The following RIT2 variants were observed in gnomAD, a reference collection of about 807,000 sequenced individuals.
RIT2 encodes the protein Ras like without CAAX 2, also known as GTP-binding protein Rit2.
In RIT2, 24 loss-of-function variants were observed where a neutral mutation model predicts 23.7. That is an observed-to-expected ratio of 1.01 (90% CI 0.73 to 1.43). The LOEUF is 1.43. Ranked by LOEUF, RIT2 falls within the 40% of genes most tolerant of loss-of-function variation. The pLI, the probability that RIT2 is intolerant of heterozygous loss-of-function variation, is 0.00. For synonymous variants in RIT2, 107 were observed against 91.1 expected (o/e 1.17, Z -0.99); for missense variants, 236 against 266.9 (o/e 0.88, Z 0.81).
intron 4 of RIT2, among the ~76,000 whole-genome samples, chr18:42,806,308 ATAAT>A (rs1401103448): frequency 6.6e-6 from 1 of 151,572 alleles, no homozygotes; most frequent in Non-Finnish European, 1.5e-5. Context: ...ATCTCTACTA[ATAAT>A]AGAAAAAATA....
intron 2 of RIT2, among the ~76,000 whole-genome samples, chr18:42,992,342 T>C (rs1269713691): frequency 6.6e-5 from 10 of 152,118 alleles, no homozygotes; most frequent in African/African-American, 1.7e-4. Context: ...AAATAATTCT[T>C]GTCGTAAAAT....
chr18:43,048,236 A>G (rs1912294422), intron 1 of RIT2, among the ~76,000 whole-genome samples: 1 of 152,190 alleles, frequency 6.6e-6, no homozygotes, highest in South Asian at 2.1e-4. Flanking sequence ...TTTCTTTTGT[A>G]TATCTATAAC....
chr18:43,060,519 T>C (rs1396943827), intron 1 of RIT2, among the ~76,000 whole-genome samples: 1 of 152,120 alleles, frequency 6.6e-6, no homozygotes, highest in Non-Finnish European at 1.5e-5. Flanking sequence ...TAGCTATGCC[T>C]TCACATTATT....
chr18:43,016,431 G>C (rs773001275), intron 2 of RIT2, among the ~76,000 whole-genome samples: 17 of 151,770 alleles, frequency 1.1e-4, no homozygotes, highest in Non-Finnish European at 2.5e-4. Flanking sequence ...GCTCAGATTG[G>C]ATCAATAACT....
At chr18:43,065,333 C>T (rs539026557) in intron 1 of RIT2, among the ~76,000 whole-genome samples, 74 of 149,382 alleles carry the variant, frequency 5.0e-4, no homozygotes, top group African/African-American at 1.7e-3. Flanking sequence ...TGGGCTCAAG[C>T]GATCCTCCTA....
chr18:42,889,666 T>A (rs538115169), intron 4 of RIT2, among the ~76,000 whole-genome samples: 5 of 152,178 alleles, frequency 3.3e-5, no homozygotes, highest in African/African-American at 1.2e-4. Flanking sequence ...AGAAAAGTCA[T>A]TTTGTGATGG....
intron 1 of RIT2, among the ~76,000 whole-genome samples, chr18:43,036,385 C>A (rs1257723879): frequency 6.6e-6 from 1 of 152,054 alleles, no homozygotes; most frequent in Non-Finnish European, 1.5e-5. Context: ...ACTAAAAATA[C>A]GGAAATCAGC....
intron 2 of RIT2, among the ~76,000 whole-genome samples, chr18:42,974,418 C>A (rs1218975598): frequency 6.6e-6 from 1 of 151,918 alleles, no homozygotes; most frequent in African/African-American, 2.4e-5. Context: ...AAACATGGAA[C>A]AAATGTTATT....
intron 4 of RIT2, among the ~76,000 whole-genome samples, chr18:42,763,181 G>T (rs189583510): frequency 7.6e-4 from 115 of 152,288 alleles, no homozygotes; most frequent in African/African-American, 2.6e-3. Flanking sequence ...ATGGTACACC[G>T]GCTGGGTGCT....
At chr18:42,875,330 CTT>C (rs1176760577) in intron 4 of RIT2, among the ~76,000 whole-genome samples, 8 of 137,716 alleles carry the variant, frequency 5.8e-5, no homozygotes, top group South Asian at 2.3e-4. Flanking sequence ...TTCTCTCTCT[CTT>C]TTTTTTTTTT....
chr18:42,822,921 G>A (rs549376988), intron 4 of RIT2, among the ~76,000 whole-genome samples: 16 of 152,272 alleles, frequency 1.1e-4, no homozygotes, highest in African/African-American at 2.2e-4. Flanking sequence ...CAACGAAGGC[G>A]TTTGCCCTTG....
chr18:42,755,456 A>G (rs1371219436), intron 4 of RIT2, among the ~76,000 whole-genome samples: 1 of 151,972 alleles, frequency 6.6e-6, no homozygotes. Context: ...TATCACCTCC[A>G]CTGAGACACC....
chr18:43,073,100 A>T (rs1912934722), intron 1 of RIT2, among the ~76,000 whole-genome samples: 1 of 152,150 alleles, frequency 6.6e-6, no homozygotes, highest in Non-Finnish European at 1.5e-5. Context: ...GAGGGTGTAG[A>T]ACTCCTCAGG....
intron 4 of RIT2, among the ~76,000 whole-genome samples, chr18:42,876,510 C>T (rs1011605165): frequency 7.1e-4 from 108 of 151,856 alleles, no homozygotes; most frequent in African/African-American, 2.4e-3. Flanking sequence ...TCTTTGCTCT[C>T]CTTGGTCTCT....
intron 4 of RIT2, among the ~76,000 whole-genome samples, chr18:42,792,775 C>G (rs1169460795): frequency 6.6e-6 from 1 of 152,052 alleles, no homozygotes; most frequent in Non-Finnish European, 1.5e-5. Context: ...TTTGTGTAAC[C>G]ATAAATTCAT....
chr18:43,077,589 C>G (rs1913055864), intron 1 of RIT2, among the ~76,000 whole-genome samples: 1 of 152,108 alleles, frequency 6.6e-6, no homozygotes, highest in Non-Finnish European at 1.5e-5. Flanking sequence ...CAGTTCTTGT[C>G]CAGGATTAAG....
chr18:42,791,164 GAATT>G (rs1410621679), intron 4 of RIT2, among the ~76,000 whole-genome samples: 2 of 152,160 alleles, frequency 1.3e-5, no homozygotes, highest in Non-Finnish European at 2.9e-5. Context: ...ATGCATATTT[GAATT>G]AATATAGTCA....
intron 2 of RIT2, among the ~76,000 whole-genome samples, chr18:42,982,910 A>T (rs2144216193): frequency 6.6e-6 from 1 of 152,192 alleles, no homozygotes; most frequent in Admixed American, 6.5e-5. Flanking sequence ...GTTCAAATTT[A>T]TGTCATGATT....
intron 1 of RIT2, among the ~76,000 whole-genome samples, chr18:43,057,523 T>A (rs1568069474): frequency 6.6e-6 from 1 of 152,156 alleles, no homozygotes; most frequent in Non-Finnish European, 1.5e-5. Flanking sequence ...ACATTCCCAA[T>A]AACACAAACG....
Sources: allele counts gnomAD v4.1 joint callset (sites outside exome capture counted in the v4.1 genomes callset), GRCh38; gene constraint gnomAD v4.1.1; transcripts MANE v1.5; gene names NCBI Gene and HGNC (gene_info 2026-07-23, HGNC 2026-07-21).